Variants in MYH11 observed in about 807,000 individuals in gnomAD.
The protein encoded by MYH11 is myosin heavy chain 11, also known as myosin-11.
In MYH11, 80 loss-of-function variants were observed where a neutral mutation model predicts 246.6. That is an observed-to-expected ratio of 0.32 (90% CI 0.27 to 0.39). The LOEUF is 0.39. Ranked by LOEUF, MYH11 falls within the 10% of genes least tolerant of loss-of-function variation. The probability of loss-of-function intolerance (pLI) is 1.00; values close to 1 mark genes in which losing one functional copy is unlikely to be tolerated. For synonymous variants in MYH11, 1,071 were observed against 1,015.5 expected (o/e 1.05, Z -1.04); for missense variants, 2,158 against 2,546.8 (o/e 0.85, Z 3.29).
intron 4 of MYH11, among the ~76,000 whole-genome samples, chr16:15,794,666 G>A (rs929820325): frequency 2.6e-5 from 4 of 152,236 alleles, no homozygotes; most frequent in Admixed American, 6.5e-5. Flanking sequence ...TCGAGGGGAA[G>A]GGAGGAGAGG....
At chr16:15,847,645 G>A (rs960141022) in intron 1 of MYH11, among the ~76,000 whole-genome samples, 5 of 152,226 alleles carry the variant, frequency 3.3e-5, no homozygotes, top group South Asian at 4.1e-4. Context: ...AAAAGGACAC[G>A]CACGCCTCCA....
At chr16:15,755,217 C>G (rs2041679363) in intron 14 of MYH11, among the ~76,000 whole-genome samples, 1 of 152,196 alleles carries the variant, frequency 6.6e-6, no homozygotes, top group Admixed American at 6.5e-5. Flanking sequence ...GCAAGCCAGA[C>G]TAAGCTATGT....
intron 1 of MYH11, among the ~76,000 whole-genome samples, chr16:15,843,334 G>C (rs529449758): frequency 9.2e-5 from 14 of 151,744 alleles, no homozygotes; most frequent in Middle Eastern, 3.4e-3. Flanking sequence ...TCATGCCACT[G>C]TACTCCAGCC....
At chr16:15,804,348 CCCGTCT>C (rs1271383078) in intron 3 of MYH11, among the ~76,000 whole-genome samples, 1 of 151,982 alleles carries the variant, frequency 6.6e-6, no homozygotes, top group African/African-American at 2.4e-5. Context: ...ACGGCAAAAC[CCCGTCT>C]CTACCAAAAA....
intron 27 of MYH11, among the ~76,000 whole-genome samples, chr16:15,731,785 G>T (rs909297930): frequency 6.6e-6 from 1 of 151,394 alleles, no homozygotes; most frequent in Non-Finnish European, 1.5e-5. Flanking sequence ...GTGAGCCACC[G>T]TGCCCAGCCT....
At chr16:15,793,947 T>TTTC (rs1178098620) in intron 4 of MYH11, among the ~76,000 whole-genome samples, 2 of 119,518 alleles carry the variant, frequency 1.7e-5, no homozygotes, top group Non-Finnish European at 3.5e-5. Context: ...TTTCTTTTCT[T>TTTC]TTTTTTTTTT....
At chr16:15,778,106 G>A (rs2042265806) in intron 7 of MYH11, among the ~76,000 whole-genome samples, 1 of 152,154 alleles carries the variant, frequency 6.6e-6, no homozygotes, top group Non-Finnish European at 1.5e-5. Flanking sequence ...TCCTGAGGCT[G>A]ATCAGTCACT....
At chr16:15,827,779 G>A (rs1224526442) in intron 2 of MYH11, among the ~76,000 whole-genome samples, 3 of 152,202 alleles carry the variant, frequency 2.0e-5, no homozygotes, top group Non-Finnish European at 2.9e-5. Flanking sequence ...CGTGACCTGG[G>A]GGCCTTGCAC....
Position 15,748,116 on chromosome 16 carries a change from A to C in MYH11, c.2111T>G (p.Val704Gly). Residue 704 changes from valine (V) to glycine (G), a missense_variant, in exon 17 of 41, where the codon GTG becomes GGG. Physicochemically the swap from Val to Gly is moderately radical, Grantham distance 109 (BLOSUM62 -3). Around this residue, in one of 11 missense-constraint regions of MYH11, gnomAD observed 317 missense variants for 507.7 expected, o/e 0.62. Coordinates refer to ENST00000300036, the MANE Select transcript of MYH11 (RefSeq NM_002474.3). ...LVLEQLRCNG[V>G]LEGIRICRQG... is the part of the protein sequence containing the mutation. ...CCGGCAGATGCGAATGCCTTCCAGC[A>C]CCCCATTGCACCGCAGCTGCTCCAG... 1 of 1,614,026 alleles carries C rather than the reference A, an allele frequency of 6.2e-7. No individual in the cohort carries two copies. The highest frequency in any genetic ancestry group is 8.5e-7 in the Non-Finnish European group (1 of 1,180,022).
chr16:15,735,176 C>CAA (rs34752846), intron 26 of MYH11, among the ~76,000 whole-genome samples, 190 bp downstream of exon 26: 8 of 116,248 alleles, frequency 6.9e-5, no homozygotes, highest in Non-Finnish European at 1.3e-4. Context: ...CAGACTGCCT[C>CAA]AAAAAAAAAA....
chr16:15,709,140 C>G (rs746227006), intron 40 of MYH11, among the ~76,000 whole-genome samples: 15 of 150,566 alleles, frequency 1.0e-4, no homozygotes, highest in Middle Eastern at 3.2e-3. Context: ...TGGGGTTGCA[C>G]TATGTTGGTC....
intron 31 of MYH11, 98 bp downstream of exon 31, chr16:15,724,063 G>T (rs527969792): frequency 1.9e-6 from 3 of 1,586,628 alleles, no homozygotes; most frequent in African/African-American, 2.7e-5. Context: ...GTGGAGAGGG[G>T]ATGCAGGCAC....
intron 13 of MYH11, 83 bp downstream of exon 13, chr16:15,757,744 A>C: frequency 4.5e-6 from 7 of 1,546,252 alleles, no homozygotes; most frequent in Non-Finnish European, 5.3e-6. Context: ...GCATGGGGAG[A>C]GTGTGGGGTC....
chr16:15,762,415 T>C (rs1275260375), intron 10 of MYH11, among the ~76,000 whole-genome samples: 1 of 152,196 alleles, frequency 6.6e-6, no homozygotes, highest in African/African-American at 2.4e-5. Flanking sequence ...AACTGGAGGC[T>C]ACAAGAGTCT....
rs1294063234 is a variant in MYH11, at chr16:15,782,448, T to G, written c.663A>C (p.Ala221=). 1.2e-6 allele frequency: 2 copies of G among 1,614,100 alleles called. No individual in the cohort carries two copies. The highest frequency in any genetic ancestry group is 2.7e-5 in the African/African-American group (2 of 74,934). ...TGCCGAAAGCCTCCAGAATCGGGTT[T>G]GCTTGTAGAAGCTGCTTTTCCAGCT... ...TGELEKQLLQ[A]NPILEAFGNA... The change falls in exon 6 of 41, where the codon GCA becomes GCC. Residue 221 remains alanine, a synonymous_variant. Transcript: ENST00000300036.
chr16:15,799,749 C>A (rs2042837310), intron 3 of MYH11, among the ~76,000 whole-genome samples: 1 of 152,212 alleles, frequency 6.6e-6, no homozygotes, highest in South Asian at 2.1e-4. Flanking sequence ...GCCACAGTGG[C>A]AAGCATTTCT....
chr16:15,722,959 G>A (rs1392076116), intron 31 of MYH11, among the ~76,000 whole-genome samples: 1 of 152,052 alleles, frequency 6.6e-6, no homozygotes, highest in Non-Finnish European at 1.5e-5. Flanking sequence ...GGCCAGGCTG[G>A]TCTCAAACCC....
At chr16:15,721,226 A>G in intron 32 of MYH11, 175 bp from the exon 33 acceptor site, 1 of 932,230 alleles carries the variant, frequency 1.1e-6, no homozygotes, top group Middle Eastern at 3.2e-4. Context: ...TTATCCTCGG[A>G]CCCCCCAACT....
At chr16:15,816,631 A>G (rs997403502) in intron 3 of MYH11, among the ~76,000 whole-genome samples, 1 of 152,136 alleles carries the variant, frequency 6.6e-6, no homozygotes, top group Admixed American at 6.6e-5. Context: ...GATATGAGGC[A>G]TGTGTGTTGG....
Sources: allele counts gnomAD v4.1 joint callset (sites outside exome capture counted in the v4.1 genomes callset), GRCh38; gene constraint gnomAD v4.1.1; regional missense constraint gnomAD v4.1.1; transcripts MANE v1.5; gene names NCBI Gene and HGNC (gene_info 2026-07-23, HGNC 2026-07-21).